The following TENM2 variants were observed in gnomAD, a reference collection of about 807,000 sequenced individuals.
The protein encoded by TENM2 is teneurin transmembrane protein 2, also known as teneurin-2.
Under a neutral mutation model 245.2 loss-of-function variants are expected in TENM2, and 52 were observed. That is an observed-to-expected ratio of 0.21 (90% CI 0.17 to 0.27). The LOEUF is 0.27. Ranked by LOEUF, TENM2 falls within the 10% of genes least tolerant of loss-of-function variation. The probability of loss-of-function intolerance (pLI) is 1.00; values close to 1 mark genes in which losing one functional copy is unlikely to be tolerated. For missense variants in TENM2, 3,046 were observed against 3,666.8 expected, an observed-to-expected ratio of 0.83 and a Z score of 4.37; for synonymous variants, 1,363 against 1,438.9, an observed-to-expected ratio of 0.95 and a Z score of 1.19.
chr5:167,973,491 T>C (rs1781955284), intron 4 of TENM2, among the ~76,000 whole-genome samples: 2 of 152,160 alleles, frequency 1.3e-5, no homozygotes, highest in Admixed American at 6.5e-5. Context: ...AATCACAGTC[T>C]AGTGGGAGAA....
At chr5:167,332,448 C>T (rs552875439) in intron 1 of TENM2, among the ~76,000 whole-genome samples, 3 of 152,256 alleles carry the variant, frequency 2.0e-5, no homozygotes, top group South Asian at 4.1e-4. Context: ...TAACTGCACC[C>T]GCCTCAACAG....
intron 2 of TENM2, among the ~76,000 whole-genome samples, chr5:167,826,542 A>C (rs1355488934): frequency 6.6e-6 from 1 of 152,248 alleles, no homozygotes; most frequent in Non-Finnish European, 1.5e-5. Context: ...CCAAGAAAGG[A>C]AAAGTTGTTA....
the TENM2 span, among the ~76,000 whole-genome samples, chr5:167,082,791 A>G: frequency 6.6e-6 from 1 of 152,138 alleles, no homozygotes; most frequent in Non-Finnish European, 1.5e-5. Context: ...AAATTAATTT[A>G]TTTTTACAAT....
chr5:167,820,644 T>C (rs185161528), intron 2 of TENM2, among the ~76,000 whole-genome samples: 1 of 152,186 alleles, frequency 6.6e-6, no homozygotes, highest in East Asian at 1.9e-4. Context: ...CCACAAGGAA[T>C]AGGATATCTC....
the TENM2 span, among the ~76,000 whole-genome samples, chr5:167,121,039 C>T: frequency 4.6e-5 from 7 of 151,948 alleles, no homozygotes; most frequent in Admixed American, 2.6e-4. Flanking sequence ...AAAACAACAA[C>T]GTGACTTAAC....
At chr5:167,916,991 C>T (rs1777002265) in intron 3 of TENM2, among the ~76,000 whole-genome samples, 1 of 152,192 alleles carries the variant, frequency 6.6e-6, no homozygotes, top group Non-Finnish European at 1.5e-5. Context: ...AACCATCACC[C>T]AGGGCTAGGG....
intron 2 of TENM2, among the ~76,000 whole-genome samples, chr5:167,402,717 A>G (rs1200355490): frequency 6.6e-6 from 1 of 152,124 alleles, no homozygotes; most frequent in African/African-American, 2.4e-5. Context: ...TAAATGGTAA[A>G]TAGCCATTCG....
At chr5:167,513,622 C>A (rs992544768) in intron 2 of TENM2, among the ~76,000 whole-genome samples, 1 of 152,108 alleles carries the variant, frequency 6.6e-6, no homozygotes, top group African/African-American at 2.4e-5. Flanking sequence ...AGAGCAGGTG[C>A]GCTTGACAGG....
chr5:167,015,276 G>T, the TENM2 span, among the ~76,000 whole-genome samples: 5 of 152,264 alleles, frequency 3.3e-5, no homozygotes, highest in South Asian at 1.0e-3. Context: ...AAATGCGATG[G>T]AAGTATAGGG....
intron 12 of TENM2, among the ~76,000 whole-genome samples, chr5:168,149,229 T>C (rs1756416747): frequency 6.6e-6 from 1 of 152,076 alleles, no homozygotes; most frequent in Non-Finnish European, 1.5e-5. Flanking sequence ...TCTCTCCGCG[T>C]CTCCACTCTC....
intron 2 of TENM2, among the ~76,000 whole-genome samples, chr5:167,862,610 T>C (rs925765637): frequency 1.3e-5 from 2 of 152,254 alleles, no homozygotes. Context: ...TGTCTTCAGC[T>C]GTCTGCCTTG....
At chr5:167,308,301 C>T (rs948011928) in intron 1 of TENM2, among the ~76,000 whole-genome samples, 1 of 152,194 alleles carries the variant, frequency 6.6e-6, no homozygotes, top group Non-Finnish European at 1.5e-5. Flanking sequence ...AGACAAGTCT[C>T]TGTGGGCCAG....
At chr5:167,224,536 C>T in the TENM2 span, among the ~76,000 whole-genome samples, 54 of 151,988 alleles carry the variant, frequency 3.6e-4, no homozygotes, top group African/African-American at 1.2e-3. Context: ...TACTCTGTTC[C>T]GTTGGTTTAT....
At chr5:167,913,350 A>C (rs1261433746) in intron 3 of TENM2, among the ~76,000 whole-genome samples, 1 of 152,196 alleles carries the variant, frequency 6.6e-6, no homozygotes, top group Non-Finnish European at 1.5e-5. Context: ...ACATACTGCC[A>C]CCAATCATAT....
At chr5:167,359,047 A>T (rs1759534226) in intron 1 of TENM2, among the ~76,000 whole-genome samples, 1 of 152,144 alleles carries the variant, frequency 6.6e-6, no homozygotes, top group Admixed American at 6.5e-5. Flanking sequence ...ATGCAATCTT[A>T]AAGTGTATTT....
At chr5:167,310,310 T>C (rs1455510854) in intron 1 of TENM2, among the ~76,000 whole-genome samples, 1 of 152,240 alleles carries the variant, frequency 6.6e-6, no homozygotes, top group African/African-American at 2.4e-5. Context: ...ATATTCGGAT[T>C]ATAGCTTCTC....
At chr5:168,014,817 A>C (rs1785525755) in intron 5 of TENM2, among the ~76,000 whole-genome samples, 1 of 152,168 alleles carries the variant, frequency 6.6e-6, no homozygotes. Context: ...CATGAGTGAC[A>C]GTGGTTCTGT....
chr5:167,796,101 G>A (rs1367429466), intron 2 of TENM2, among the ~76,000 whole-genome samples: 1 of 152,164 alleles, frequency 6.6e-6, no homozygotes, highest in African/African-American at 2.4e-5. Flanking sequence ...AGAAACAAGG[G>A]CACTTACAAA....
At position 167,521,658 on chromosome 5, in the gene TENM2, G is replaced by A. The variant is rs1325235271; in HGVS notation, c.502+146185G>A. 2.0e-5 allele frequency among the ~76,000 whole-genome samples: 3 copies of A among 152,124 alleles called. 1 individual carries two copies. The highest frequency in any genetic ancestry group is 4.4e-5 in the Non-Finnish European group (3 of 68,008). On this transcript the variant is annotated intron_variant, in intron 2 of 28. Transcript: ENST00000518659. ...TGAGTTCCAGAAATTCAGACTCCAT[G>A]TGTTTTTTAGGGAGTTCTGGGATCA...
Sources: allele counts gnomAD v4.1 joint callset (sites outside exome capture counted in the v4.1 genomes callset), GRCh38; gene constraint gnomAD v4.1.1; transcripts MANE v1.5; gene names NCBI Gene and HGNC (gene_info 2026-07-23, HGNC 2026-07-21).